The following CTNNA3 variants were observed in gnomAD, a reference collection of about 807,000 sequenced individuals.
CTNNA3 encodes catenin alpha 3, also known as catenin alpha-3.
Under a neutral mutation model 95.7 loss-of-function variants are expected in CTNNA3, and 76 were observed. The observed-to-expected ratio is 0.79, with a 90% CI of 0.66 to 0.96. The LOEUF is 0.96. Ranked by LOEUF, CTNNA3 falls within the 40% of genes least tolerant of loss-of-function variation. The pLI is 0.00. For missense variants in CTNNA3, 1,191 were observed against 1,089.8 expected, an observed-to-expected ratio of 1.09 and a Z score of -1.31; for synonymous variants, 431 against 374.4, an observed-to-expected ratio of 1.15 and a Z score of -1.74.
chr10:67,101,067 C>A (rs914881970), intron 7 of CTNNA3, among the ~76,000 whole-genome samples: 1 of 151,744 alleles, frequency 6.6e-6, no homozygotes, highest in South Asian at 2.1e-4. Context: ...CTACTCTGGG[C>A]TCTCACATTA....
At chr10:66,902,985 C>G (rs1475229725) in intron 7 of CTNNA3, among the ~76,000 whole-genome samples, 1 of 152,102 alleles carries the variant, frequency 6.6e-6, no homozygotes, top group African/African-American at 2.4e-5. Flanking sequence ...TGAAACTATT[C>G]CAATCAATAG....
In CTNNA3 at chr10:66,766,381, A is replaced by G. The variant is rs779937414; in HGVS notation, c.1164T>C (p.Ser388=). The G allele has an allele frequency of 6.2e-7, 1 of 1,613,844 alleles. No individual in the cohort carries two copies. The highest frequency in any genetic ancestry group is 2.2e-5 in the East Asian group (1 of 44,858). ...AAAGAGGGACTGTCGTATCCAGGAA[A>G]GAGTCTGACACATGATCTATAATAG... ...RKAIIDHVSD[S]FLDTTVPLLV... Residue 388 remains serine, a synonymous_variant, in exon 9 of 18, where the codon TCT becomes TCC. Coordinates refer to ENST00000433211, the MANE Select transcript of CTNNA3 (RefSeq NM_013266.4).
intron 17 of CTNNA3, among the ~76,000 whole-genome samples, chr10:65,956,629 C>A (rs2077737193): frequency 6.6e-6 from 1 of 152,162 alleles, no homozygotes; most frequent in South Asian, 2.1e-4. Context: ...TTATTTCTGC[C>A]TTCATTTTGT....
chr10:67,554,729 C>A (rs187779893), intron 3 of CTNNA3, among the ~76,000 whole-genome samples: 2 of 152,124 alleles, frequency 1.3e-5, no homozygotes, highest in African/African-American at 4.8e-5. Context: ...ATGGTAGTTT[C>A]TTTTGCTGTG....
At chr10:67,559,827 T>C (rs1841423052) in intron 3 of CTNNA3, among the ~76,000 whole-genome samples, 1 of 151,854 alleles carries the variant, frequency 6.6e-6, no homozygotes, top group South Asian at 2.1e-4. Context: ...GGTTCGAGAA[T>C]TACGTGAAGA....
At chr10:66,577,868 G>A (rs1042123118) in intron 10 of CTNNA3, among the ~76,000 whole-genome samples, 2 of 151,974 alleles carry the variant, frequency 1.3e-5, no homozygotes, top group Admixed American at 6.6e-5. Context: ...AAATGTATTG[G>A]TACTTTGATA....
At chr10:67,209,166 A>G (rs1159489581) in intron 6 of CTNNA3, among the ~76,000 whole-genome samples, 1 of 152,118 alleles carries the variant, frequency 6.6e-6, no homozygotes, top group Non-Finnish European at 1.5e-5. Flanking sequence ...ATCTTGCCTC[A>G]GCTTCCCAAG....
intron 15 of CTNNA3, among the ~76,000 whole-genome samples, chr10:66,032,211 A>T (rs191631852): frequency 0.012 from 1,806 of 151,986 alleles, 35 homozygotes; most frequent in East Asian, 0.055. Context: ...TGATTTTTTT[A>T]AAAAAATTAT....
intron 9 of CTNNA3, among the ~76,000 whole-genome samples, chr10:66,633,414 C>T (rs771551326): frequency 1.3e-5 from 2 of 152,196 alleles, no homozygotes; most frequent in African/African-American, 4.8e-5. Flanking sequence ...GGTGCAGTGG[C>T]TCACGCCTGT....
intron 5 of CTNNA3, among the ~76,000 whole-genome samples, chr10:67,358,124 A>T (rs969801795): frequency 6.6e-6 from 1 of 152,186 alleles, no homozygotes; most frequent in Non-Finnish European, 1.5e-5. Flanking sequence ...ATACACAAAA[A>T]TTAATTCAAA....
intron 7 of CTNNA3, among the ~76,000 whole-genome samples, chr10:67,057,869 A>G (rs1273905713): frequency 1.3e-5 from 2 of 152,172 alleles, no homozygotes; most frequent in Non-Finnish European, 2.9e-5. Flanking sequence ...ATGAGAGTTC[A>G]TACTCTACCC....
At chr10:66,129,252 G>A (rs905086991) in intron 13 of CTNNA3, among the ~76,000 whole-genome samples, 4 of 152,164 alleles carry the variant, frequency 2.6e-5, no homozygotes, top group African/African-American at 9.7e-5. Flanking sequence ...CAATAAGAGT[G>A]AAACTCTGTC....
chr10:67,693,461 G>C lies in CTNNA3; in HGVS notation c.-6+2539C>G, dbSNP rs114968223. The stretch of plus-strand genomic sequence containing the variant: ...AAGCGCATAATTTCTCTTCAGGCCA[G>C]TTTGGGTTGCCAACTTCTCTTCTTA... On this transcript the variant is annotated intron_variant, in intron 1 of 17. Coordinates refer to ENST00000433211, the MANE Select transcript of CTNNA3 (RefSeq NM_013266.4). Among the ~76,000 whole-genome samples the C allele has an allele frequency of 2.0e-3, 305 of 152,246 alleles. 1 individual carries two copies. The highest frequency in any genetic ancestry group is 6.9e-3 in the African/African-American group (287 of 41,556).
At chr10:66,303,550 T>C (rs1266834849) in intron 12 of CTNNA3, among the ~76,000 whole-genome samples, 2 of 152,172 alleles carry the variant, frequency 1.3e-5, no homozygotes, top group Non-Finnish European at 2.9e-5. Context: ...TATAATTGGT[T>C]AGGCATATGA....
intron 3 of CTNNA3, among the ~76,000 whole-genome samples, chr10:67,543,191 A>G (rs1840736562): frequency 6.6e-6 from 1 of 151,956 alleles, no homozygotes; most frequent in African/African-American, 2.4e-5. Flanking sequence ...GATTTTTTTT[A>G]ATCGTTAAAA....
intron 5 of CTNNA3, among the ~76,000 whole-genome samples, chr10:67,328,780 C>A (rs963083885): frequency 9.9e-5 from 15 of 152,110 alleles, no homozygotes; most frequent in African/African-American, 3.6e-4. Flanking sequence ...ATCTGAGTCC[C>A]TTCATGAGAG....
chr10:67,616,586 C>G (rs77589211), intron 2 of CTNNA3, among the ~76,000 whole-genome samples: 4,310 of 152,232 alleles, frequency 0.028, 85 homozygotes, highest in Non-Finnish European at 0.044. Context: ...AGCAATATGG[C>G]ATCAAGGATG....
intron 15 of CTNNA3, among the ~76,000 whole-genome samples, chr10:66,064,221 T>C (rs1044280336): frequency 6.6e-6 from 1 of 152,118 alleles, no homozygotes. Context: ...GATAACTCGC[T>C]CACTATCACG....
At chr10:66,451,577 T>C (rs1434553303) in intron 11 of CTNNA3, among the ~76,000 whole-genome samples, 2 of 152,126 alleles carry the variant, frequency 1.3e-5, no homozygotes, top group African/African-American at 2.4e-5. Context: ...TCATCATTAG[T>C]TTTAAGTTTT....
Sources: allele counts gnomAD v4.1 joint callset (sites outside exome capture counted in the v4.1 genomes callset), GRCh38; gene constraint gnomAD v4.1.1; transcripts MANE v1.5; gene names NCBI Gene and HGNC (gene_info 2026-07-23, HGNC 2026-07-21).